PIK3R1: variants seen among roughly 807,000 people sequenced by gnomAD.
PIK3R1 encodes the protein phosphoinositide-3-kinase regulatory subunit 1.
In PIK3R1, 29 loss-of-function variants were observed where a neutral mutation model predicts 98.0. That is an observed-to-expected ratio of 0.30 (90% CI 0.22 to 0.40). PIK3R1 has a LOEUF of 0.40. Ranked by LOEUF, PIK3R1 falls within the 10% of genes least tolerant of loss-of-function variation. The pLI is 1.00. For missense variants in PIK3R1, 596 were observed against 872.7 expected, an observed-to-expected ratio of 0.68 and a Z score of 3.99; for synonymous variants, 282 against 311.8, an observed-to-expected ratio of 0.90 and a Z score of 1.01.
intron 2 of PIK3R1, among the ~76,000 whole-genome samples, chr5:68,245,401 G>A (rs1461503717): frequency 6.6e-6 from 1 of 152,132 alleles, no homozygotes; most frequent in Non-Finnish European, 1.5e-5. Context: ...AGAGTTTGTT[G>A]CTGATGTTAT....
Position 68,293,495 on chromosome 5 carries a change from T to G in PIK3R1, c.1299+12T>G, listed in dbSNP as rs1747502833. 6.3e-7 allele frequency: 1 copy of G among 1,579,190 alleles called. No individual in the cohort carries two copies. Among genetic ancestry groups the G allele is most frequent in the Non-Finnish European group, 8.7e-7 (1 of 1,151,994 alleles). ...CCAAATACCAACAGGTAATAAAAACTGAATGAATTATCCAGTTACGATGTT... is the reference window on the plus strand; with the variant it reads ...CCAAATACCAACAGGTAATAAAAACGGAATGAATTATCCAGTTACGATGTT... On this transcript the variant is annotated intron_variant, in intron 10 of 15. Coordinates refer to ENST00000521381, the MANE Select transcript of PIK3R1 (RefSeq NM_181523.3).
At chr5:68,264,481 T>C (rs977902925) in intron 2 of PIK3R1, among the ~76,000 whole-genome samples, 1 of 152,228 alleles carries the variant, frequency 6.6e-6, no homozygotes, top group Non-Finnish European at 1.5e-5. Flanking sequence ...TTGTTTAATT[T>C]TTCTTAATCT....
intron 2 of PIK3R1, among the ~76,000 whole-genome samples, chr5:68,262,863 G>GTGTACATA (rs1745897398): frequency 2.8e-4 from 10 of 35,232 alleles, no homozygotes; most frequent in East Asian, 5.7e-4. Flanking sequence ...GTAGATACAT[G>GTGTACATA]TATACATGTA....
intron 2 of PIK3R1, among the ~76,000 whole-genome samples, chr5:68,272,240 G>A (rs1333143646): frequency 2.2e-5 from 3 of 134,940 alleles, no homozygotes; most frequent in Admixed American, 1.5e-4. Flanking sequence ...GTGACAGAGC[G>A]AGACCCTGTC....
At chr5:68,235,619 A>G (rs561824901) in intron 2 of PIK3R1, among the ~76,000 whole-genome samples, 1 of 152,268 alleles carries the variant, frequency 6.6e-6, no homozygotes, top group African/African-American at 2.4e-5. Flanking sequence ...TCAGGTAGCA[A>G]AAAGTAAGTT....
chr5:68,293,816 A>C lies in PIK3R1; in HGVS notation c.1407A>C (p.Glu469Asp), dbSNP rs747844946. The part of the protein sequence containing the change: ...KSREYDRLYE[E>D]YTRTSQEIQM... Reference sequence around the variant, plus strand: ...GAGAATATGATAGATTATATGAAGAATATACCCGCACATCCCAGGTGAGTT... The same window carrying C: ...GAGAATATGATAGATTATATGAAGACTATACCCGCACATCCCAGGTGAGTT... Residue 469 changes from glutamate to aspartate, a missense_variant, in exon 11 of 16, where the codon GAA becomes GAC. Transcript: ENST00000521381. 1 of 1,576,560 alleles carries C rather than the reference A, an allele frequency of 6.3e-7. No homozygotes were observed. Among genetic ancestry groups the C allele is most frequent in the South Asian group, 1.2e-5 (1 of 84,170 alleles).
intron 2 of PIK3R1, among the ~76,000 whole-genome samples, chr5:68,248,632 T>G (rs1288520745): frequency 6.6e-6 from 1 of 152,188 alleles, no homozygotes; most frequent in East Asian, 1.9e-4. Context: ...TTGATACCCT[T>G]TGTTGGCATG....
chr5:68,283,835 T>G (rs773181293), intron 7 of PIK3R1, among the ~76,000 whole-genome samples: 11 of 152,218 alleles, frequency 7.2e-5, no homozygotes, highest in Non-Finnish European at 1.5e-4. Flanking sequence ...CTGCCTGGAT[T>G]TTTGGAAACT....
intron 2 of PIK3R1, among the ~76,000 whole-genome samples, chr5:68,271,421 T>C (rs1267919128): frequency 1.3e-5 from 2 of 152,304 alleles, no homozygotes; most frequent in African/African-American, 4.8e-5. Flanking sequence ...TAAGATGCCT[T>C]GTCTTCAGGG....
chr5:68,236,039 T>G (rs1436392065), intron 2 of PIK3R1, among the ~76,000 whole-genome samples: 1 of 150,480 alleles, frequency 6.6e-6, no homozygotes, highest in Non-Finnish European at 1.5e-5. Context: ...CCTGGCTAAT[T>G]TTTGTATTTT....
At chr5:68,237,443 G>A (rs1744704091) in intron 2 of PIK3R1, among the ~76,000 whole-genome samples, 1 of 152,060 alleles carries the variant, frequency 6.6e-6, no homozygotes, top group Non-Finnish European at 1.5e-5. Flanking sequence ...TGATTGAGGG[G>A]GTAAGGGAAA....
At position 68,297,742 on chromosome 5, in the gene PIK3R1, T is replaced by A; in HGVS notation, c.*141T>A. 1.5e-6 allele frequency: 1 copy of A among 685,130 alleles called. No individual in the cohort carries two copies. Among genetic ancestry groups the A allele is most frequent in the Non-Finnish European group, 2.5e-6 (1 of 405,526 alleles). The allele number at this position is 685,130 out of a possible 1,614,324, so 42.4% of individuals were successfully genotyped here. On this transcript the variant is annotated 3_prime_UTR_variant, in exon 16 of 16. Transcript: ENST00000521381. Reference sequence around the variant, plus strand: ...CTTTGGATGGGACTAGAGCTTTCTTTCACAAAAAAGAAGTAGGGGAAGACA... The same window carrying A: ...CTTTGGATGGGACTAGAGCTTTCTTACACAAAAAAGAAGTAGGGGAAGACA...
At position 68,298,146 on chromosome 5, in the gene PIK3R1, TCA is replaced by T. The variant is rs763007192; in HGVS notation, c.*548_*549del. ...ATATGTAGCAGAAAGGCACGTCCAC[TCA>T]CAAGGGACGCTTTGGGAGAATGTCA... On this transcript the variant is annotated 3_prime_UTR_variant, in exon 16 of 16. Transcript: ENST00000521381. 1 of 231,446 alleles carries T rather than the reference TCA, an allele frequency of 4.3e-6. No individual in the cohort carries two copies. The highest frequency in any genetic ancestry group is 8.6e-6 in the Non-Finnish European group (1 of 116,770). The allele number at this position is 231,446 out of a possible 1,614,324, so 14.3% of individuals were successfully genotyped here. A position where few individuals can be genotyped will look rare whatever the true frequency, so the allele number is the denominator to read the frequency against.
intron 2 of PIK3R1, among the ~76,000 whole-genome samples, chr5:68,248,234 G>A (rs946268793): frequency 2.0e-5 from 3 of 151,860 alleles, no homozygotes; most frequent in African/African-American, 4.8e-5. Flanking sequence ...CATCTGCCTC[G>A]GCCTCCGAGA....
intron 13 of PIK3R1, 24 bp downstream of exon 13, chr5:68,295,348 A>G (rs755492378): frequency 1.2e-6 from 2 of 1,612,944 alleles, no homozygotes; most frequent in Non-Finnish European, 8.5e-7. Context: ...ATGGAATCCT[A>G]TACATGAATA....
At chr5:68,288,518 C>G (rs982602660) in intron 7 of PIK3R1, 4 of 1,349,034 alleles carry the variant, frequency 3.0e-6, no homozygotes, top group Non-Finnish European at 3.8e-6. Context: ...AGGGACGAGC[C>G]GAGCCGAGCC....
intron 2 of PIK3R1, among the ~76,000 whole-genome samples, chr5:68,250,222 T>C (rs1745250546): frequency 6.6e-6 from 1 of 152,176 alleles, no homozygotes; most frequent in Non-Finnish European, 1.5e-5. Context: ...CACTGCCTGC[T>C]CCTCAGATTG....
In PIK3R1 at chr5:68,299,866, C is replaced by CT; in HGVS notation, c.*2265_*2266insT. ...CTCAAACTTGACTCTACTGATCTGACCATTTCCCTCTCATCGCCAGACAAC... is the reference window on the plus strand; with the variant it reads ...CTCAAACTTGACTCTACTGATCTGACTCATTTCCCTCTCATCGCCAGACAAC... On this transcript the variant is annotated 3_prime_UTR_variant, in exon 16 of 16. Coordinates refer to ENST00000521381, the MANE Select transcript of PIK3R1 (RefSeq NM_181523.3). The CT allele has an allele frequency of 4.3e-6, 1 of 233,202 alleles. No individual in the cohort carries two copies. The highest frequency in any genetic ancestry group is 8.5e-6 in the Non-Finnish European group (1 of 118,010). 14.4% of individuals were successfully genotyped at this position (233,202 alleles called of 1,614,324 possible).
intron 2 of PIK3R1, among the ~76,000 whole-genome samples, chr5:68,236,235 A>G (rs1744662412): frequency 6.6e-6 from 1 of 151,088 alleles, no homozygotes; most frequent in Admixed American, 6.6e-5. Flanking sequence ...ATGGCATATT[A>G]TAACCTTTTT....
Sources: allele counts gnomAD v4.1 joint callset (sites outside exome capture counted in the v4.1 genomes callset), GRCh38; gene constraint gnomAD v4.1.1; transcripts MANE v1.5; gene names NCBI Gene and HGNC (gene_info 2026-07-23, HGNC 2026-07-21).